Variants in TMEM233 observed in about 807,000 individuals in gnomAD.
The protein encoded by TMEM233 is dispanin subfamily B member 2.
In TMEM233, 6 loss-of-function variants were observed where a neutral mutation model predicts 11.2. The ratio of observed to expected loss-of-function variants is 0.54; its 90% confidence interval spans 0.29 to 1.06. The LOEUF is 1.06. Among genes scored for constraint, TMEM233 ranks in the 50% least tolerant of loss-of-function variants. The pLI, the probability that TMEM233 is intolerant of heterozygous loss-of-function variation, is 0.08. For synonymous variants in TMEM233, 59 were observed against 55.8 expected (o/e 1.06, Z -0.26); for missense variants, 127 against 144.7 (o/e 0.88, Z 0.63).
At chr12:119,621,831 G>A (rs780402200) in intron 1 of TMEM233, among the ~76,000 whole-genome samples, 2 of 152,166 alleles carry the variant, frequency 1.3e-5, no homozygotes, top group African/African-American at 2.4e-5. Flanking sequence ...AAATACAAGA[G>A]AATCCACCTT....
At chr12:119,643,169 G>A (rs1399633505), downstream of TMEM233, 1 of 152,378 alleles carries the variant, frequency 6.6e-6, no homozygotes, top group Non-Finnish European at 1.5e-5. Context: ...TCAGTCCCCA[G>A]GGAAGAGCCC....
At chr12:119,645,929 A>G (rs557070149), downstream of TMEM233, among the ~76,000 whole-genome samples, 22 of 152,316 alleles carry the variant, frequency 1.4e-4, no homozygotes, top group African/African-American at 4.8e-4. Flanking sequence ...GGAACTCATA[A>G]AAGGCCAAAT....
intron 1 of TMEM233, among the ~76,000 whole-genome samples, chr12:119,604,464 G>A (rs1954225520): frequency 6.6e-6 from 1 of 152,098 alleles, no homozygotes; most frequent in Non-Finnish European, 1.5e-5. Context: ...ACACATTTTG[G>A]GAAATACTGT....
In TMEM233 at chr12:119,594,879, C is replaced by T. The variant is rs1954004083; in HGVS notation, c.186+845C>T. On this transcript the variant is annotated intron_variant, in intron 1 of 2. Transcript: ENST00000426426. The surrounding 1 kb of genome is among the most constrained non-coding windows in gnomAD (Gnocchi z 5.6). Reference sequence around the variant, plus strand: ...TCCTCCCCGTTTGCTGCGCACTGGCCCTAACCTCTCTTCTCTTGGTGTCCC... The same window carrying T: ...TCCTCCCCGTTTGCTGCGCACTGGCTCTAACCTCTCTTCTCTTGGTGTCCC... Among the ~76,000 whole-genome samples the T allele has an allele frequency of 6.6e-6, 1 of 152,140 alleles. No individual in the cohort carries two copies. Among genetic ancestry groups the T allele is most frequent in the South Asian group, 2.1e-4 (1 of 4,826 alleles).
intron 1 of TMEM233, among the ~76,000 whole-genome samples, chr12:119,614,181 G>A (rs1385749652): frequency 1.3e-5 from 2 of 152,132 alleles, no homozygotes; most frequent in African/African-American, 4.8e-5. Context: ...GCTGAGGCAG[G>A]TGGATCACCT....
At chr12:119,616,667 A>G (rs1440829748) in intron 1 of TMEM233, among the ~76,000 whole-genome samples, 1 of 152,202 alleles carries the variant, frequency 6.6e-6, no homozygotes, top group East Asian at 1.9e-4. Context: ...TACATGGGTG[A>G]TATTGTTTGG....
chr12:119,648,161 C>T, the TMEM233 span, among the ~76,000 whole-genome samples: 1 of 152,188 alleles, frequency 6.6e-6, no homozygotes, highest in Non-Finnish European at 1.5e-5. Flanking sequence ...AAGGCAACCA[C>T]CCCACCCCTC....
At chr12:119,638,333 T>C (rs1955007785) in intron 2 of TMEM233, among the ~76,000 whole-genome samples, 1 of 152,132 alleles carries the variant, frequency 6.6e-6, no homozygotes, top group Admixed American at 6.6e-5. Context: ...CTTGGTGGCA[T>C]GCACCTGTAG....
intron 1 of TMEM233, among the ~76,000 whole-genome samples, chr12:119,601,473 G>A (rs188124037): frequency 4.4e-4 from 67 of 152,020 alleles, no homozygotes; most frequent in Middle Eastern, 3.4e-3. Context: ...TGGCTAACAC[G>A]GTGAAACCCT....
chr12:119,643,322 T>C (rs1955110666), downstream of TMEM233, among the ~76,000 whole-genome samples: 1 of 152,220 alleles, frequency 6.6e-6, no homozygotes, highest in South Asian at 2.1e-4. Flanking sequence ...AATGTGCTCC[T>C]TGGGGTCAAG....
chr12:119,608,523 A>G (rs965419665), intron 1 of TMEM233, among the ~76,000 whole-genome samples: 1 of 152,246 alleles, frequency 6.6e-6, no homozygotes, highest in Non-Finnish European at 1.5e-5. Flanking sequence ...GCAAGGCCAA[A>G]GACAGAGAAA....
chr12:119,638,845 T>C (rs949605172), intron 2 of TMEM233, among the ~76,000 whole-genome samples: 2 of 152,050 alleles, frequency 1.3e-5, no homozygotes, highest in Non-Finnish European at 2.9e-5. Flanking sequence ...AAGACCAGCC[T>C]GGGCGATATA....
chr12:119,602,940 T>C (rs1223588136), intron 1 of TMEM233, among the ~76,000 whole-genome samples: 2 of 152,050 alleles, frequency 1.3e-5, no homozygotes, highest in African/African-American at 4.8e-5. Flanking sequence ...TGTGTATACA[T>C]TTAAAGCTTT....
Position 119,624,612 on chromosome 12 carries a change from A to T in TMEM233, c.187-5124A>T, listed in dbSNP as rs932159159. Among the ~76,000 whole-genome samples, 3 of 152,152 alleles carry T rather than the reference A, an allele frequency of 2.0e-5. No individual in the cohort carries two copies. The East Asian group carries it at 5.8e-4, about 29-fold the overall frequency. The stretch of plus-strand genomic sequence containing the variant: ...CAAAAAACAAATACTGCATAATTTC[A>T]CTTGCATGAGGTACCCAGAATAGTC... On this transcript the variant is annotated intron_variant, in intron 1 of 2. Transcript: ENST00000426426.
At chr12:119,650,014 C>T in the TMEM233 span, among the ~76,000 whole-genome samples, 1 of 151,820 alleles carries the variant, frequency 6.6e-6, no homozygotes, top group African/African-American at 2.4e-5. Context: ...AAAAATTAGC[C>T]GGGCGCGGTG....
Position 119,596,937 on chromosome 12 carries a change from T to C in TMEM233, c.186+2903T>C, listed in dbSNP as rs533062790. On this transcript the variant is annotated intron_variant, in intron 1 of 2. Transcript: ENST00000426426. The stretch of plus-strand genomic sequence containing the variant: ...GCACTATGCTAGGTACATGCAATAA[T>C]TGTCAGACAGATGTATAGATTTGGA... Among the ~76,000 whole-genome samples, 12 of 152,332 alleles carry C rather than the reference T, an allele frequency of 7.9e-5. No individual in the cohort carries two copies. The East Asian group carries it at 2.3e-3, about 29-fold the overall frequency.
intron 2 of TMEM233, among the ~76,000 whole-genome samples, chr12:119,634,055 A>G (rs1954931902): frequency 6.6e-6 from 1 of 152,214 alleles, no homozygotes. Flanking sequence ...ACCAAAGTCC[A>G]CAAGGAAGAA....
rs1251599191 is a variant in TMEM233 at position 119,594,772 on chromosome 12, C to T, written c.186+738C>T. Among the ~76,000 whole-genome samples the T allele has an allele frequency of 6.6e-6, 1 of 152,192 alleles. No individual in the cohort carries two copies. Among genetic ancestry groups the T allele is most frequent in the Non-Finnish European group, 1.5e-5 (1 of 68,026 alleles). Reference sequence around the variant, plus strand: ...GGCTCACACCCACTACCTCTTTAGGCCTTTCTTAGGCTCCCCGTGTGCCCC... The same window carrying T: ...GGCTCACACCCACTACCTCTTTAGGTCTTTCTTAGGCTCCCCGTGTGCCCC... On this transcript the variant is annotated intron_variant, in intron 1 of 2. Coordinates refer to ENST00000426426, the MANE Select transcript of TMEM233 (RefSeq NM_001136534.3). This position sits in a 1 kb window ranked among gnomAD's most constrained non-coding sequence, Gnocchi z 5.6.
intron 2 of TMEM233, among the ~76,000 whole-genome samples, chr12:119,635,359 A>G (rs1451130481): frequency 6.6e-6 from 1 of 152,210 alleles, no homozygotes; most frequent in African/African-American, 2.4e-5. Context: ...TCCCCAAAAA[A>G]TAATTCTAAA....
Sources: allele counts gnomAD v4.1 joint callset (sites outside exome capture counted in the v4.1 genomes callset), GRCh38; gene constraint gnomAD v4.1.1; non-coding constraint Gnocchi (gnomAD v3.1); transcripts MANE v1.5; gene names NCBI Gene and HGNC (gene_info 2026-07-23, HGNC 2026-07-21).